The following FAM169A variants were observed in gnomAD, a reference collection of about 807,000 sequenced individuals.
FAM169A encodes soluble lamin-associated protein of 75 kDa.
FAM169A carries 24 observed loss-of-function variants against 75.7 expected under a neutral mutation model. The ratio of observed to expected loss-of-function variants is 0.32; its 90% confidence interval spans 0.23 to 0.45. FAM169A has a LOEUF of 0.45. FAM169A is among the 20% of genes least tolerant of loss of function. The pLI is 1.00. For missense variants in FAM169A, 673 were observed against 784.0 expected (o/e 0.86, Z 1.69); for synonymous variants, 271 against 271.0 (o/e 1.00, Z 0.00).
chr5:74,832,532 A>C (rs1011718199), intron 5 of FAM169A, among the ~76,000 whole-genome samples: 9 of 151,330 alleles, frequency 5.9e-5, no homozygotes, highest in Admixed American at 5.3e-4. Flanking sequence ...TTCTTAATAA[A>C]GATTTTATCT....
chr5:74,833,683 T>C (rs1208295122), intron 5 of FAM169A, among the ~76,000 whole-genome samples: 1 of 152,178 alleles, frequency 6.6e-6, no homozygotes, highest in African/African-American at 2.4e-5. Context: ...AAACTAAGTG[T>C]ATTCTCTGTG....
intron 1 of FAM169A, 106 bp from the exon 2 acceptor site, chr5:74,841,785 A>G: frequency 9.6e-7 from 1 of 1,037,306 alleles, no homozygotes; most frequent in Non-Finnish European, 1.4e-6. Context: ...TGTTATAACA[A>G]GATTTTTCTG....
rs1183562270 is a variant in FAM169A, at chr5:74,780,270, G to A, written c.*1190C>T. On this transcript the variant is annotated 3_prime_UTR_variant, in exon 13 of 13. Coordinates refer to ENST00000687041, the MANE Select transcript of FAM169A (RefSeq NM_001376049.1). ...CCCTTGTAACCACAGCTCCCCCAAA[G>A]GCAGTTTACCCCTGCCATATAGGTC... The A allele has an allele frequency of 6.6e-6, 1 of 152,136 alleles. No individual in the cohort carries two copies. 9.4% of individuals were successfully genotyped at this position (152,136 alleles called of 1,614,324 possible).
chr5:74,815,189 CT>C (rs1436682837), intron 5 of FAM169A, among the ~76,000 whole-genome samples: 1 of 125,534 alleles, frequency 8.0e-6, no homozygotes, highest in African/African-American at 4.4e-5. Flanking sequence ...TATTTTTTTT[CT>C]TTTTTCTTTT....
At chr5:74,823,982 C>T (rs1373795591) in intron 5 of FAM169A, among the ~76,000 whole-genome samples, 1 of 151,932 alleles carries the variant, frequency 6.6e-6, no homozygotes, top group Admixed American at 6.6e-5. Context: ...GTAATCTGTC[C>T]AAAAAAGTAG....
chr5:74,817,083 C>T (rs1747508129), intron 5 of FAM169A, among the ~76,000 whole-genome samples: 1 of 152,060 alleles, frequency 6.6e-6, no homozygotes, highest in East Asian at 1.9e-4. Context: ...AAAAAAACCA[C>T]AATTAACATG....
rs760949440 is a variant in FAM169A at position 74,841,658 on chromosome 5, T to A, written c.19A>T (p.Met7Leu). The A allele has an allele frequency of 1.9e-6, 3 of 1,612,958 alleles. No individual in the cohort carries two copies. The highest frequency in any genetic ancestry group is 2.5e-6 in the Non-Finnish European group (3 of 1,179,442). MAFPVDMLENCSHEELE... is the reference protein window; with the variant it reads MAFPVDLLENCSHEELE... ...TCCTCATGGCTGCAATTTTCCAGCA[T>A]ATCCACAGGGAATGCCATCCTCTTT... Residue 7 changes from methionine (M) to leucine (L), a missense_variant, in exon 2 of 13, where the codon ATG (methionine) becomes TTG (leucine). This residue lies in a region of FAM169A where 56 missense variants were observed against 52.2 expected (regional missense o/e 1.07). Coordinates refer to ENST00000687041, the MANE Select transcript of FAM169A (RefSeq NM_001376049.1).
chr5:74,831,866 C>G (rs1237233735), intron 5 of FAM169A, among the ~76,000 whole-genome samples: 1 of 152,120 alleles, frequency 6.6e-6, no homozygotes, highest in African/African-American at 2.4e-5. Context: ...GAGACACGGA[C>G]AGATCTCAAG....
chr5:74,854,906 T>C (rs1247916306), intron 1 of FAM169A, among the ~76,000 whole-genome samples: 3 of 152,232 alleles, frequency 2.0e-5, no homozygotes, highest in Non-Finnish European at 2.9e-5. Context: ...TGAATAGTGC[T>C]GCAATAAACA....
At chr5:74,804,994 A>T (rs1244907721) in intron 7 of FAM169A, among the ~76,000 whole-genome samples, 162 bp downstream of exon 7, 1 of 152,182 alleles carries the variant, frequency 6.6e-6, no homozygotes, top group Non-Finnish European at 1.5e-5. Context: ...TAGACAAGAG[A>T]GTCTGTTACT....
intron 1 of FAM169A, among the ~76,000 whole-genome samples, chr5:74,854,528 C>A (rs1346180985): frequency 6.6e-6 from 1 of 152,152 alleles, no homozygotes; most frequent in Non-Finnish European, 1.5e-5. Flanking sequence ...CACTGTTGAG[C>A]TGTCAAGTGC....
At chr5:74,854,873 T>C (rs1022681352) in intron 1 of FAM169A, among the ~76,000 whole-genome samples, 2 of 152,242 alleles carry the variant, frequency 1.3e-5, no homozygotes, top group African/African-American at 4.8e-5. Flanking sequence ...GACACTCACG[T>C]TGCTTTCAAA....
intron 1 of FAM169A, among the ~76,000 whole-genome samples, chr5:74,864,149 GTTTAA>G (rs1355192304): frequency 2.0e-5 from 3 of 152,180 alleles, no homozygotes; most frequent in Middle Eastern, 3.2e-3. Context: ...AAAATAAATA[GTTTAA>G]TTTAATAAGG....
At chr5:74,792,198 C>G (rs1171090227) in intron 11 of FAM169A, among the ~76,000 whole-genome samples, 12 of 152,084 alleles carry the variant, frequency 7.9e-5, no homozygotes, top group Admixed American at 7.9e-4. Flanking sequence ...AAGGGGTAGA[C>G]TTGTAATGGT....
At chr5:74,785,027 A>G (rs187551456) in intron 11 of FAM169A, among the ~76,000 whole-genome samples, 8 of 152,298 alleles carry the variant, frequency 5.3e-5, no homozygotes, top group Non-Finnish European at 8.8e-5. Flanking sequence ...TAACTTTTTA[A>G]AAGTGAAAAA....
intron 1 of FAM169A, among the ~76,000 whole-genome samples, chr5:74,852,877 A>G (rs1022547833): frequency 1.3e-5 from 2 of 152,188 alleles, no homozygotes; most frequent in South Asian, 2.1e-4. Context: ...TGACAGCTAC[A>G]TATAGGTTGG....
chr5:74,808,601 T>A (rs1393838600), intron 6 of FAM169A, among the ~76,000 whole-genome samples: 1 of 152,206 alleles, frequency 6.6e-6, no homozygotes, highest in Non-Finnish European at 1.5e-5. Flanking sequence ...CACTGAACTG[T>A]TCACCTACAA....
At chr5:74,827,369 A>C (rs1748088796) in intron 5 of FAM169A, among the ~76,000 whole-genome samples, 1 of 152,106 alleles carries the variant, frequency 6.6e-6, no homozygotes, top group African/African-American at 2.4e-5. Flanking sequence ...TTCTCCTTGC[A>C]CTAATATTTC....
chr5:74,812,648 C>A (rs190731457), intron 6 of FAM169A, among the ~76,000 whole-genome samples: 17 of 151,938 alleles, frequency 1.1e-4, no homozygotes, highest in Middle Eastern at 3.4e-3. Context: ...ACAAATAACC[C>A]CCCCCCAAAA....
Sources: allele counts gnomAD v4.1 joint callset (sites outside exome capture counted in the v4.1 genomes callset), GRCh38; gene constraint gnomAD v4.1.1; regional missense constraint gnomAD v4.1.1; transcripts MANE v1.5; gene names NCBI Gene and HGNC (gene_info 2026-07-23, HGNC 2026-07-21).